The following CRACR2A variants were observed in gnomAD, a reference collection of about 807,000 sequenced individuals.
CRACR2A encodes the protein EF-hand calcium-binding domain-containing protein 4B.
Under a neutral mutation model 90.5 loss-of-function variants are expected in CRACR2A, and 79 were observed. The observed-to-expected ratio is 0.87, with a 90% confidence interval of 0.73 to 1.05. CRACR2A has a LOEUF of 1.05. Among genes scored for constraint, CRACR2A ranks in the 50% least tolerant of loss-of-function variants. The pLI, the probability that CRACR2A is intolerant of heterozygous loss-of-function variation, is 0.00. For missense variants in CRACR2A, 823 were observed against 897.2 expected (o/e 0.92, Z 1.06); for synonymous variants, 338 against 356.7 (o/e 0.95, Z 0.59).
intron 17 of CRACR2A, among the ~76,000 whole-genome samples, chr12:3,621,960 C>G (rs1944151996): frequency 6.6e-6 from 1 of 152,090 alleles, no homozygotes; most frequent in South Asian, 2.1e-4. Flanking sequence ...CACCCTGGCC[C>G]AAGGTCATCA....
intron 13 of CRACR2A, chr12:3,640,744 T>C (rs1337040297): frequency 7.7e-7 from 1 of 1,305,380 alleles, no homozygotes; most frequent in South Asian, 1.2e-5. Context: ...GGTCTGATAC[T>C]GAAGAGTCGG....
rs2137303318 is a variant in CRACR2A, at chr12:3,627,565, C to A, written c.1818-15G>T. 6.4e-7 allele frequency: 1 copy of A among 1,551,566 alleles called. No individual in the cohort carries two copies. Among genetic ancestry groups the A allele is most frequent in the Admixed American group, 2.0e-5 (1 of 51,004 alleles). On this transcript the variant is annotated splice_polypyrimidine_tract_variant and intron_variant, in intron 16 of 19. Coordinates refer to ENST00000440314, the MANE Select transcript of CRACR2A (RefSeq NM_001144958.2). ...TGCACCGGTACCTGCCACAGAAGGGCCACGGGTCAGGCATGCACGGCCTTC... is the reference window on the plus strand; with the variant it reads ...TGCACCGGTACCTGCCACAGAAGGGACACGGGTCAGGCATGCACGGCCTTC...
chr12:3,616,929 G>A (rs1279119001), intron 19 of CRACR2A, 25 bp downstream of exon 19: 2 of 1,532,218 alleles, frequency 1.3e-6, no homozygotes, highest in Admixed American at 2.0e-5. Context: ...AGCAGTTACT[G>A]CACCTGGGGA....
At position 3,647,801 on chromosome 12, in the gene CRACR2A, CA is replaced by C. The variant is rs370991626; in HGVS notation, c.1118+740del. The stretch of plus-strand genomic sequence containing the variant: ...CACTTGCACTTCAAAAATCAGAACC[CA>C]AAGTCCTTCTGTTTCCTCACCATTC... On this transcript the variant is annotated intron_variant, in intron 11 of 19. Coordinates refer to ENST00000440314, the MANE Select transcript of CRACR2A (RefSeq NM_001144958.2). 8.3e-6 allele frequency: 8 copies of C among 963,016 alleles called. No homozygotes were observed. In the East Asian group the frequency reaches 5.8e-4, roughly 69 times the overall value. The allele number at this position is 963,016 out of a possible 1,614,324, so 59.7% of individuals were successfully genotyped here.
chr12:3,633,507 TC>T lies in CRACR2A; in HGVS notation c.1735+96del. The T allele has an allele frequency of 6.8e-7, 1 of 1,481,136 alleles. No individual in the cohort carries two copies. The highest frequency in any genetic ancestry group is 9.1e-7 in the Non-Finnish European group (1 of 1,094,482). The allele number at this position is 1,481,136 out of a possible 1,614,324, so 91.7% of individuals were successfully genotyped here. On this transcript the variant is annotated intron_variant, in intron 15 of 19. Transcript: ENST00000440314. The surrounding 1 kb of genome is among the most constrained non-coding windows in gnomAD (Gnocchi z 4.5). ...CCTACTGGCCAATCCCCATGGCCCT[TC>T]CCATGGGCTTCTAACGCTCCCTGCC... is the stretch of plus-strand genomic sequence containing the variant.
intron 10 of CRACR2A, among the ~76,000 whole-genome samples, chr12:3,653,173 G>A (rs1167478196): frequency 6.6e-6 from 1 of 152,056 alleles, no homozygotes; most frequent in African/African-American, 2.4e-5. Flanking sequence ...AGTAGAGATG[G>A]GGTTTCACCG....
chr12:3,751,802 T>C (rs1946708980), intron 1 of CRACR2A, among the ~76,000 whole-genome samples: 2 of 151,418 alleles, frequency 1.3e-5, no homozygotes, highest in African/African-American at 4.9e-5. Context: ...CTCTCACTTA[T>C]AGAACCGAGA....
intron 3 of CRACR2A, among the ~76,000 whole-genome samples, chr12:3,705,583 G>A (rs1282842463): frequency 6.6e-6 from 1 of 152,178 alleles, no homozygotes; most frequent in Non-Finnish European, 1.5e-5. Flanking sequence ...TAACCACCCA[G>A]GCTTCAGTGG....
chr12:3,709,425 T>G (rs1167898651), intron 3 of CRACR2A, among the ~76,000 whole-genome samples: 1 of 152,176 alleles, frequency 6.6e-6, no homozygotes, highest in Admixed American at 6.5e-5. Flanking sequence ...GTTAAGTAAT[T>G]TATTGTAGGA....
Position 3,679,109 on chromosome 12 carries a change from C to T in CRACR2A, c.341-11G>A, listed in dbSNP as rs1945397049. 1.2e-6 allele frequency: 2 copies of T among 1,607,900 alleles called. No homozygotes were observed. The highest frequency in any genetic ancestry group is 2.2e-5 in the South Asian group (2 of 89,904). ...TGAAGAAGAAGTGACCTGGGGGGTGCAGGGCACAAGGATCCGAATTAGACC... is the reference window on the plus strand; with the variant it reads ...TGAAGAAGAAGTGACCTGGGGGGTGTAGGGCACAAGGATCCGAATTAGACC... On this transcript the variant is annotated splice_polypyrimidine_tract_variant and intron_variant, in intron 5 of 19. Coordinates refer to ENST00000440314, the MANE Select transcript of CRACR2A (RefSeq NM_001144958.2).
chr12:3,733,872 G>GAC (rs56412036), intron 1 of CRACR2A, among the ~76,000 whole-genome samples: 1,421 of 136,156 alleles, frequency 0.01, 22 homozygotes, highest in South Asian at 0.03. Context: ...AAATTTTCAG[G>GAC]ACACACACAC....
intron 15 of CRACR2A, among the ~76,000 whole-genome samples, chr12:3,629,636 T>C (rs1022127740): frequency 2.6e-5 from 4 of 152,200 alleles, no homozygotes; most frequent in Non-Finnish European, 5.9e-5. Context: ...CCTCAGCTCC[T>C]GGTGCTTTGC....
chr12:3,628,374 G>C (rs1476546414), intron 15 of CRACR2A, among the ~76,000 whole-genome samples: 1 of 152,150 alleles, frequency 6.6e-6, no homozygotes, highest in Non-Finnish European at 1.5e-5. Flanking sequence ...GGAATAGGAG[G>C]AGGAGGGTAG....
At chr12:3,692,304 AT>A (rs1162374137) in intron 4 of CRACR2A, among the ~76,000 whole-genome samples, 6 of 150,630 alleles carry the variant, frequency 4.0e-5, no homozygotes, top group South Asian at 2.1e-4. Flanking sequence ...TGACCTTTGG[AT>A]TTTTTTTTCC....
intron 9 of CRACR2A, among the ~76,000 whole-genome samples, chr12:3,655,926 T>A (rs1485558742): frequency 6.6e-6 from 1 of 152,174 alleles, no homozygotes; most frequent in African/African-American, 2.4e-5. Context: ...GGAAGAAACT[T>A]ATCTGCAGCC....
At chr12:3,702,535 T>G (rs1565495288) in intron 3 of CRACR2A, among the ~76,000 whole-genome samples, 1 of 152,124 alleles carries the variant, frequency 6.6e-6, no homozygotes, top group Non-Finnish European at 1.5e-5. Flanking sequence ...GAAATAAAAA[T>G]ATCATTTGCA....
At chr12:3,726,605 C>T (rs1946269042) in intron 2 of CRACR2A, 1 of 152,106 alleles carries the variant, frequency 6.6e-6, no homozygotes, top group African/African-American at 2.4e-5. Flanking sequence ...ATAACCTTCA[C>T]TGAGGTACAG....
intron 10 of CRACR2A, among the ~76,000 whole-genome samples, chr12:3,653,244 G>A (rs990477982): frequency 5.9e-5 from 9 of 152,160 alleles, no homozygotes; most frequent in Non-Finnish European, 1.3e-4. Context: ...GCCTCCCAAA[G>A]TGCTGGGATT....
intron 2 of CRACR2A, among the ~76,000 whole-genome samples, chr12:3,720,162 A>G (rs1024736945): frequency 2.6e-5 from 3 of 113,768 alleles, no homozygotes; most frequent in Admixed American, 1.1e-4. Flanking sequence ...AGAAAGAGAG[A>G]GAGAGAAAGG....
Sources: gnomAD v4.1 joint callset for allele counts (sites outside exome capture counted in the v4.1 genomes callset) on GRCh38, gnomAD v4.1.1 for gene constraint, Gnocchi (gnomAD v3.1) non-coding constraint, MANE v1.5 for transcripts, NCBI Gene and HGNC (gene_info 2026-07-23, HGNC 2026-07-21) for gene names.